ERC2: variants seen among roughly 807,000 people sequenced by gnomAD.
The protein encoded by ERC2 is ELKS/RAB6-interacting/CAST family member 2, also known as ERC protein 2.
In ERC2, 42 loss-of-function variants were observed where a neutral mutation model predicts 114.8. That is an observed-to-expected ratio of 0.37 (90% confidence interval 0.29 to 0.47). The LOEUF (loss-of-function observed/expected upper bound fraction) is 0.47. Among genes scored for constraint, ERC2 ranks in the 20% least tolerant of loss-of-function variants. The pLI, the probability that ERC2 is intolerant of heterozygous loss-of-function variation, is 0.99. For synonymous variants in ERC2, 454 were observed against 425.5 expected (o/e 1.07, Z -0.82); for missense variants, 939 against 1,150.7 (o/e 0.82, Z 2.66).
intron 6 of ERC2, among the ~76,000 whole-genome samples, chr3:56,098,764 G>C (rs1017270882): frequency 5.3e-5 from 8 of 152,164 alleles, no homozygotes; most frequent in African/African-American, 1.9e-4. Flanking sequence ...GAAGCAGTGA[G>C]GACTTCTAGA....
At chr3:56,042,887 G>A (rs1034010744) in intron 7 of ERC2, among the ~76,000 whole-genome samples, 3 of 152,048 alleles carry the variant, frequency 2.0e-5, no homozygotes, top group African/African-American at 7.2e-5. Flanking sequence ...AAATGAACAG[G>A]CAGCAAATTT....
At chr3:56,410,467 A>G (rs2060899824) in intron 2 of ERC2, among the ~76,000 whole-genome samples, 1 of 152,260 alleles carries the variant, frequency 6.6e-6, no homozygotes, top group African/African-American at 2.4e-5. Context: ...TGACGTGCTA[A>G]GCACTCTGCT....
At chr3:55,748,183 C>T (rs964441447) in intron 14 of ERC2, among the ~76,000 whole-genome samples, 1 of 152,122 alleles carries the variant, frequency 6.6e-6, no homozygotes, top group Admixed American at 6.5e-5. Context: ...CTGGGAGGAG[C>T]GATTACTGGA....
intron 17 of ERC2, among the ~76,000 whole-genome samples, chr3:55,526,816 G>T (rs1331136397): frequency 2.0e-5 from 3 of 152,216 alleles, no homozygotes; most frequent in Admixed American, 6.5e-5. Flanking sequence ...TGCTGCTGGG[G>T]TTGGACTTCC....
intron 12 of ERC2, among the ~76,000 whole-genome samples, chr3:55,980,523 C>T (rs1456179056): frequency 6.6e-6 from 1 of 152,168 alleles, no homozygotes. Context: ...ATAGAATTCA[C>T]ATTTCATAAG....
intron 14 of ERC2, among the ~76,000 whole-genome samples, chr3:55,828,967 G>A (rs190245228): frequency 4.6e-5 from 7 of 152,104 alleles, no homozygotes; most frequent in Admixed American, 6.5e-5. Context: ...GTGAGATCCT[G>A]TCTCTATAAA....
At position 55,910,367 on chromosome 3, in the gene ERC2, G is replaced by A. The variant is rs146977954; in HGVS notation, c.2404-21818C>T. On this transcript the variant is annotated intron_variant, in intron 13 of 17. Coordinates refer to ENST00000288221, the MANE Select transcript of ERC2 (RefSeq NM_015576.3). ...AGATCACACCACTGCATTCCAGCCC[G>A]GGTGACAGAGCAAGACTCTGTCTCA... is the stretch of plus-strand genomic sequence containing the variant. 1.4e-4 allele frequency among the ~76,000 whole-genome samples: 22 copies of A among 151,962 alleles called. No homozygotes were observed. In the East Asian group the frequency reaches 2.7e-3, roughly 19 times the overall value.
intron 14 of ERC2, among the ~76,000 whole-genome samples, chr3:55,763,442 C>T (rs866191354): frequency 6.1e-4 from 93 of 152,204 alleles, no homozygotes; most frequent in African/African-American, 2.1e-3. Context: ...GAGGAGGTTG[C>T]ATTGGTGAGA....
intron 5 of ERC2, among the ~76,000 whole-genome samples, chr3:56,144,650 C>A (rs192017911): frequency 6.4e-4 from 97 of 152,292 alleles, no homozygotes; most frequent in African/African-American, 2.3e-3. Context: ...GGAGGAAGGG[C>A]ATGGCAGGGT....
intron 17 of ERC2, among the ~76,000 whole-genome samples, chr3:55,515,801 T>C (rs1202918551): frequency 6.6e-6 from 1 of 152,034 alleles, no homozygotes; most frequent in Non-Finnish European, 1.5e-5. Context: ...CTCACAAATA[T>C]TCCTTCAGAC....
At chr3:56,462,945 G>A (rs1203579383) in intron 1 of ERC2, among the ~76,000 whole-genome samples, 1 of 152,142 alleles carries the variant, frequency 6.6e-6, no homozygotes, top group Non-Finnish European at 1.5e-5. Context: ...ACACGATTTT[G>A]GCTGGGCATG....
At chr3:55,670,215 T>G (rs1351811047) in intron 17 of ERC2, among the ~76,000 whole-genome samples, 2 of 152,172 alleles carry the variant, frequency 1.3e-5, no homozygotes, top group Non-Finnish European at 2.9e-5. Context: ...AGATCTGGAA[T>G]GCAGAGCTCA....
chr3:56,310,281 G>A (rs949545777), intron 2 of ERC2, among the ~76,000 whole-genome samples: 6 of 152,120 alleles, frequency 3.9e-5, no homozygotes, highest in East Asian at 1.9e-4. Context: ...TGATAGAAAC[G>A]ATAGCTAAAA....
chr3:56,445,629 C>G (rs763775020), intron 1 of ERC2, among the ~76,000 whole-genome samples: 5 of 152,186 alleles, frequency 3.3e-5, no homozygotes, highest in Non-Finnish European at 7.3e-5. Flanking sequence ...CTTCCCATGG[C>G]CTGAGGCCCT....
chr3:56,033,044 G>GAAAGAA (rs1400335834), intron 7 of ERC2, among the ~76,000 whole-genome samples: 2 of 94,704 alleles, frequency 2.1e-5, no homozygotes, highest in African/African-American at 6.5e-5. Flanking sequence ...AAGAAAGAAA[G>GAAAGAA]AAAGAAAGAA....
intron 17 of ERC2, among the ~76,000 whole-genome samples, chr3:55,559,414 C>T (rs2055851267): frequency 6.6e-6 from 1 of 152,346 alleles, no homozygotes; most frequent in South Asian, 2.1e-4. Flanking sequence ...CTGTAAAATC[C>T]AGAACTCACA....
chr3:56,094,705 G>A (rs893149906), intron 6 of ERC2, among the ~76,000 whole-genome samples: 1 of 152,134 alleles, frequency 6.6e-6, no homozygotes, highest in Admixed American at 6.5e-5. Context: ...TAGTGATGCA[G>A]GAAGAAAAAG....
chr3:55,624,784 G>C (rs1340888447), intron 17 of ERC2, among the ~76,000 whole-genome samples: 1 of 152,078 alleles, frequency 6.6e-6, no homozygotes, highest in Admixed American at 6.5e-5. Context: ...CATGTCTGTG[G>C]TGTCGGTATG....
chr3:56,070,944 A>C (rs2076708330), intron 7 of ERC2, among the ~76,000 whole-genome samples: 1 of 152,042 alleles, frequency 6.6e-6, no homozygotes, highest in African/African-American at 2.4e-5. Context: ...CAATTTAGCC[A>C]TTATCTTTTC....
Sources: gnomAD v4.1 joint callset for allele counts (sites outside exome capture counted in the v4.1 genomes callset) on GRCh38, gnomAD v4.1.1 for gene constraint, MANE v1.5 for transcripts, NCBI Gene and HGNC (gene_info 2026-07-23, HGNC 2026-07-21) for gene names.